RGS12: variants seen among roughly 807,000 people sequenced by gnomAD.
RGS12 encodes the protein regulator of G-protein signaling 12.
A neutral mutation model predicts 120.1 loss-of-function variants in RGS12; 66 were observed. The ratio of observed to expected loss-of-function variants is 0.55; its 90% CI spans 0.45 to 0.67. The LOEUF (loss-of-function observed/expected upper bound fraction) is 0.67, where lower values mean the gene tolerates loss of function less well. Among genes scored for constraint, RGS12 ranks in the 30% least tolerant of loss-of-function variants. RGS12 has a pLI of 0.00. For missense variants in RGS12, 1,859 were observed against 1,957.7 expected (o/e 0.95, Z 0.95); for synonymous variants, 827 against 804.7 (o/e 1.03, Z -0.47).
chr4:3,433,831 G>A lies in RGS12; in HGVS notation c.4114+2876G>A, dbSNP rs16844350. On this transcript the variant is annotated intron_variant, in intron 17 of 17. Coordinates refer to ENST00000336727, the MANE Select transcript of RGS12 (RefSeq NM_001394154.1). This position sits in a 1 kb window ranked among gnomAD's most constrained non-coding sequence, Gnocchi z 4.4. ...AGACCATGCACCATGCAGGCTGGCC[G>A]GTGCCCCCATGCATGTCTGGTCCCG... Among the ~76,000 whole-genome samples, 3,100 of 152,168 alleles carry A rather than the reference G, an allele frequency of 0.02. 115 individuals are homozygous for A. The highest frequency in any genetic ancestry group is 0.071 in the African/African-American group (2,958 of 41,506).
At chr4:3,436,801 C>T (rs1724850501) in intron 17 of RGS12, among the ~76,000 whole-genome samples, 1 of 152,168 alleles carries the variant, frequency 6.6e-6, no homozygotes, top group African/African-American at 2.4e-5. Context: ...CCTGCTGCAT[C>T]TTGTGGGGCC....
In RGS12 at chr4:3,433,752, G is replaced by A. The variant is rs969547579; in HGVS notation, c.4114+2797G>A. On this transcript the variant is annotated intron_variant, in intron 17 of 17. Transcript: ENST00000336727. This position sits in a 1 kb window ranked among gnomAD's most constrained non-coding sequence, Gnocchi z 4.4. ...CATGCTTCTAGCCCCAGCGCCACAC[G>A]CCACGCGGCACTCCACCCCGTCTGT... Among the ~76,000 whole-genome samples, 8 of 151,452 alleles carry A rather than the reference G, an allele frequency of 5.3e-5. No individual in the cohort carries two copies. The highest frequency in any genetic ancestry group is 1.3e-4 in the Admixed American group (2 of 15,220).
chr4:3,334,539 A>C (rs1173386865), intron 2 of RGS12, among the ~76,000 whole-genome samples: 1 of 152,224 alleles, frequency 6.6e-6, no homozygotes, highest in African/African-American at 2.4e-5. Flanking sequence ...CTCACAAAAC[A>C]AAAAATTAAT....
intron 3 of RGS12, among the ~76,000 whole-genome samples, chr4:3,362,916 A>G (rs1476781775): frequency 7.1e-6 from 1 of 141,302 alleles, no homozygotes; most frequent in African/African-American, 2.7e-5. Flanking sequence ...TGTGCATGGC[A>G]AGGCCATTTG....
rs16844204 is a variant in RGS12, at chr4:3,366,026, G to A, written c.1999-20390G>A. Among the ~76,000 whole-genome samples, 2,807 of 152,282 alleles carry A rather than the reference G, an allele frequency of 0.018. 70 individuals are homozygous for A. Among genetic ancestry groups the A allele is most frequent in the African/African-American group, 0.06 (2,472 of 41,536 alleles). On this transcript the variant is annotated intron_variant, in intron 3 of 17. Transcript: ENST00000336727. The surrounding 1 kb of genome is among the most constrained non-coding windows in gnomAD (Gnocchi z 4.0). ...GATGGGCTGCATGGGGCACCGTTGC[G>A]TGGGGCGTGCTCGAGGTGGAGACGG...
intron 3 of RGS12, among the ~76,000 whole-genome samples, chr4:3,381,368 C>T (rs190827182): frequency 2.0e-5 from 3 of 152,360 alleles, no homozygotes; most frequent in Admixed American, 2.0e-4. Flanking sequence ...TGCACATTTT[C>T]AGATATCTTT....
At chr4:3,300,259 G>A (rs575708332) in intron 1 of RGS12, among the ~76,000 whole-genome samples, 62 of 152,310 alleles carry the variant, frequency 4.1e-4, no homozygotes, top group African/African-American at 1.3e-3. Context: ...CAGCAGTGCC[G>A]CGGGCTCTGC....
chr4:3,319,879 G>T lies in RGS12; in HGVS notation c.1881+1828G>T, dbSNP rs115776583. ...GCCCTGGGCCTCACCTCACTTCTCCGTGGAGCCTGTAGGTGGTGGGGCAGG... is the reference window on the plus strand; with the variant it reads ...GCCCTGGGCCTCACCTCACTTCTCCTTGGAGCCTGTAGGTGGTGGGGCAGG... On this transcript the variant is annotated intron_variant, in intron 2 of 17. Transcript: ENST00000336727. Among the ~76,000 whole-genome samples, 150 of 152,350 alleles carry T rather than the reference G, an allele frequency of 9.8e-4. 1 individual carries two copies. The highest frequency in any genetic ancestry group is 3.5e-3 in the African/African-American group (144 of 41,588).
chr4:3,379,003 C>T lies in RGS12; in HGVS notation c.1999-7413C>T, dbSNP rs894598035. Among the ~76,000 whole-genome samples, 38 of 114,750 alleles carry T rather than the reference C, an allele frequency of 3.3e-4. 1 individual carries two copies. Among genetic ancestry groups the T allele is most frequent in the African/African-American group, 9.6e-4 (30 of 31,398 alleles). The allele number at this position is 114,750 out of a possible 152,430, so 75.3% of individuals were successfully genotyped here. ...AAACCTAAGGGATAAAGGAAATGTGCGATGTGTGTGTGTGTGTGTGTGTGT... is the reference window on the plus strand; with the variant it reads ...AAACCTAAGGGATAAAGGAAATGTGTGATGTGTGTGTGTGTGTGTGTGTGT... On this transcript the variant is annotated intron_variant, in intron 3 of 17. Coordinates refer to ENST00000336727, the MANE Select transcript of RGS12 (RefSeq NM_001394154.1).
At chr4:3,419,979 T>C (rs1200623694) in intron 9 of RGS12, among the ~76,000 whole-genome samples, 1 of 152,130 alleles carries the variant, frequency 6.6e-6, no homozygotes, top group Non-Finnish European at 1.5e-5. Context: ...CCTTCCCCTC[T>C]CTCCTCAGGC....
intron 17 of RGS12, among the ~76,000 whole-genome samples, chr4:3,436,467 C>A (rs948543277): frequency 6.6e-6 from 1 of 152,090 alleles, no homozygotes; most frequent in African/African-American, 2.4e-5. Context: ...AGAGGCTGAG[C>A]AAAGTGCCTG....
chr4:3,403,131 C>T (rs1358410007), intron 4 of RGS12, among the ~76,000 whole-genome samples: 1 of 152,236 alleles, frequency 6.6e-6, no homozygotes, highest in African/African-American at 2.4e-5. Flanking sequence ...ATTTCACCCC[C>T]GCCTGTTGGC....
rs1426245414 is a variant in RGS12, at chr4:3,384,577, T to C, written c.1999-1839T>C. ...GACGTGGCTGCCCCAGAGCCTCTGA[T>C]AAAAACCAGTTCCTGCGGCTGAGGG... On this transcript the variant is annotated intron_variant, in intron 3 of 17. Transcript: ENST00000336727. Among the ~76,000 whole-genome samples, 3 of 152,212 alleles carry C rather than the reference T, an allele frequency of 2.0e-5. No individual in the cohort carries two copies. The East Asian group carries it at 5.8e-4, about 29-fold the overall frequency.
At position 3,414,112 on chromosome 4, in the gene RGS12, C is replaced by G; in HGVS notation, c.2061C>G (p.Asn687Lys). ...ACCTGAAGGACTGCGTCAGCAACAACAGCCTGAGCAGCAATGCCAGCCTCC... is the reference window on the plus strand; with the variant it reads ...ACCTGAAGGACTGCGTCAGCAACAAGAGCCTGAGCAGCAATGCCAGCCTCC... ...GADLKDCVSN[N>K]SLSSNASLPS... is the part of the protein sequence containing the mutation. Residue 687 changes from asparagine (N) to lysine (K), a missense_variant, in exon 5 of 18, where the codon AAC becomes AAG. Coordinates refer to ENST00000336727, the MANE Select transcript of RGS12 (RefSeq NM_001394154.1). 2 of 1,573,202 alleles carry G rather than the reference C, an allele frequency of 1.3e-6. No homozygotes were observed. Among genetic ancestry groups the G allele is most frequent in the Non-Finnish European group, 1.7e-6 (2 of 1,166,058 alleles).
chr4:3,335,514 T>C (rs1216270727), intron 2 of RGS12, among the ~76,000 whole-genome samples: 2 of 152,152 alleles, frequency 1.3e-5, no homozygotes, highest in Admixed American at 1.3e-4. Context: ...CCTGTCAGGC[T>C]CTGTCCCCAG....
chr4:3,428,285 A>T (rs764108039), intron 15 of RGS12, 116 bp downstream of exon 15: 2 of 1,004,816 alleles, frequency 2.0e-6, no homozygotes, highest in Admixed American at 1.8e-5. Flanking sequence ...TGTCTCCCCC[A>T]CGCTCCTTGG....
Position 3,423,399 on chromosome 4 carries a change from G to A in RGS12, c.3108-116G>A, listed in dbSNP as rs1723247782. ...TTCTGATCAGCTGGGGCTGAACTGG[G>A]GGGCACACCGAGGCCTTGAGGGCGG... is the stretch of plus-strand genomic sequence containing the variant. On this transcript the variant is annotated intron_variant, in intron 12 of 17. Coordinates refer to ENST00000336727, the MANE Select transcript of RGS12 (RefSeq NM_001394154.1). The A allele has an allele frequency of 3.6e-6, 5 of 1,372,912 alleles. No homozygotes were observed. In the East Asian group the frequency reaches 1.2e-4, roughly 32 times the overall value. The allele number at this position is 1,372,912 out of a possible 1,614,324, so 85.0% of individuals were successfully genotyped here.
intron 2 of RGS12, among the ~76,000 whole-genome samples, chr4:3,337,012 A>G (rs1442502045): frequency 6.6e-6 from 1 of 152,224 alleles, no homozygotes; most frequent in Non-Finnish European, 1.5e-5. Context: ...AAAAATGAAG[A>G]AAAAGAAAAA....
At chr4:3,304,880 G>A (rs1362112502) in intron 1 of RGS12, among the ~76,000 whole-genome samples, 4 of 152,282 alleles carry the variant, frequency 2.6e-5, no homozygotes, top group Non-Finnish European at 4.4e-5. Context: ...AGCACACTGC[G>A]TCTGTAGCTG....
Sources: gnomAD v4.1 joint callset for allele counts (sites outside exome capture counted in the v4.1 genomes callset) on GRCh38, gnomAD v4.1.1 for gene constraint, Gnocchi (gnomAD v3.1) non-coding constraint, MANE v1.5 for transcripts, NCBI Gene and HGNC (gene_info 2026-07-23, HGNC 2026-07-21) for gene names.